Variants in ATXN10 observed in about 807,000 individuals in gnomAD.
ATXN10 encodes the protein ataxin-10.
A neutral mutation model predicts 52.9 loss-of-function variants in ATXN10; 28 were observed. The ratio of observed to expected loss-of-function variants is 0.53; its 90% CI spans 0.39 to 0.73. ATXN10 has a LOEUF of 0.73. Among genes scored for constraint, ATXN10 ranks in the 30% least tolerant of loss-of-function variants. ATXN10 has a pLI of 0.00. For missense variants in ATXN10, 565 were observed against 577.0 expected, an observed-to-expected ratio of 0.98 and a Z score of 0.21; for synonymous variants, 226 against 221.5, an observed-to-expected ratio of 1.02 and a Z score of -0.18.
At chr22:45,697,257 C>T (rs1436788937) in intron 3 of ATXN10, among the ~76,000 whole-genome samples, 1 of 152,008 alleles carries the variant, frequency 6.6e-6, no homozygotes, top group Non-Finnish European at 1.5e-5. Flanking sequence ...GCCTCAGCCT[C>T]TTGAGTAGTT....
chr22:45,687,788 C>T (rs1923205058), intron 1 of ATXN10, among the ~76,000 whole-genome samples: 1 of 152,178 alleles, frequency 6.6e-6, no homozygotes, highest in Non-Finnish European at 1.5e-5. Context: ...CGGCCAGGTG[C>T]AGTGGCTCAC....
chr22:45,689,562 A>G (rs1171926189), intron 1 of ATXN10, 150 bp from the exon 2 acceptor site: 8 of 675,276 alleles, frequency 1.2e-5, no homozygotes, highest in Non-Finnish European at 2.1e-5. Flanking sequence ...ATATGTGTAG[A>G]TCTTTTATTT....
chr22:45,740,029 T>G (rs8141437), intron 8 of ATXN10, among the ~76,000 whole-genome samples: 222 of 152,340 alleles, frequency 1.5e-3, no homozygotes, highest in African/African-American at 4.7e-3. Context: ...AAAAGTTCTT[T>G]CATAAAGAAG....
intron 10 of ATXN10, among the ~76,000 whole-genome samples, chr22:45,813,451 A>ATT (rs1321038533): frequency 1.6e-4 from 7 of 42,512 alleles, no homozygotes; most frequent in Non-Finnish European, 3.0e-4. Context: ...TCCTTTCTTC[A>ATT]TTTCTTTTTT....
At chr22:45,726,526 T>C (rs564704038) in intron 6 of ATXN10, among the ~76,000 whole-genome samples, 2 of 152,356 alleles carry the variant, frequency 1.3e-5, no homozygotes, top group African/African-American at 4.8e-5. Context: ...CCGTTTCTAT[T>C]TGAGCTAATT....
intron 4 of ATXN10, among the ~76,000 whole-genome samples, chr22:45,700,983 A>T (rs1030432137): frequency 6.6e-6 from 1 of 152,184 alleles, no homozygotes; most frequent in Middle Eastern, 3.2e-3. Flanking sequence ...TACTTCTTAA[A>T]AACCAGCTCT....
chr22:45,795,403 C>G lies in ATXN10; in HGVS notation c.1174-11556C>G, dbSNP rs892495375. Among the ~76,000 whole-genome samples the G allele has an allele frequency of 2.3e-4, 35 of 149,202 alleles. No homozygotes were observed. Among genetic ancestry groups the G allele is most frequent in the Admixed American group, 5.3e-4 (8 of 14,966 alleles). ...CTATTCTATTCTATTCTATTCTATT[C>G]TATTCTATTCTATTCTATTCTTTTT... On this transcript the variant is annotated intron_variant, in intron 9 of 11. Transcript: ENST00000252934. The surrounding 1 kb of genome is among the most constrained non-coding windows in gnomAD (Gnocchi z 4.6).
At chr22:45,767,240 A>G (rs1926613451) in intron 9 of ATXN10, among the ~76,000 whole-genome samples, 1 of 152,210 alleles carries the variant, frequency 6.6e-6, no homozygotes. Context: ...GTAATGAAAT[A>G]CAATGCATTG....
chr22:45,693,052 G>T lies in ATXN10; in HGVS notation c.365G>T (p.Arg122Leu). The change falls in exon 3 of 12, where the codon CGA becomes CTA. Residue 122 changes from arginine (R) to leucine (L), a missense_variant. Arg to Leu is a moderately radical substitution (Grantham distance 102, BLOSUM62 -2). Coordinates refer to ENST00000252934, the MANE Select transcript of ATXN10 (RefSeq NM_013236.4). Reference sequence around the variant, plus strand: ...TTGATTCTTCTGTTTCGTGAACTGCGAGTGGAACAGGAATCTCTGTTGACA... The same window carrying T: ...TTGATTCTTCTGTTTCGTGAACTGCTAGTGGAACAGGAATCTCTGTTGACA... Reference protein sequence around the residue: ...VDLILLFRELRVEQESLLTAF... With the variant: ...VDLILLFRELLVEQESLLTAF... The T allele has an allele frequency of 3.7e-6, 6 of 1,613,950 alleles. No homozygotes were observed. Among genetic ancestry groups the T allele is most frequent in the Non-Finnish European group, 4.2e-6 (5 of 1,179,896 alleles).
At chr22:45,738,528 G>A (rs1601615476) in intron 7 of ATXN10, 2 of 546,468 alleles carry the variant, frequency 3.7e-6, no homozygotes, top group Admixed American at 6.4e-5. Flanking sequence ...GATGGCAGAT[G>A]TCTGCTGTTA....
intron 10 of ATXN10, among the ~76,000 whole-genome samples, chr22:45,822,677 C>T (rs1928690641): frequency 6.6e-6 from 1 of 151,788 alleles, no homozygotes; most frequent in African/African-American, 2.4e-5. Flanking sequence ...ATTACAGGTG[C>T]CCGCCACCAC....
rs1235760798 is a variant in ATXN10 at position 45,730,182 on chromosome 22, A to G, written c.894+592A>G. 2.0e-5 allele frequency among the ~76,000 whole-genome samples: 3 copies of G among 152,020 alleles called. 1 individual carries two copies. Among genetic ancestry groups the G allele is most frequent in the South Asian group, 4.2e-4 (2 of 4,796 alleles). ...AACATGGTGAAACCCCATCTCTGTA[A>G]AAAATACAAAAATTAACTGGACATG... On this transcript the variant is annotated intron_variant, in intron 7 of 11. Coordinates refer to ENST00000252934, the MANE Select transcript of ATXN10 (RefSeq NM_013236.4).
intron 10 of ATXN10, among the ~76,000 whole-genome samples, chr22:45,827,936 A>C (rs1928869475): frequency 6.6e-6 from 1 of 152,242 alleles, no homozygotes; most frequent in Non-Finnish European, 1.5e-5. Context: ...TCTGACTACA[A>C]CTGGATAATG....
chr22:45,734,707 A>G (rs1925222883), intron 7 of ATXN10, among the ~76,000 whole-genome samples: 1 of 151,550 alleles, frequency 6.6e-6, no homozygotes, highest in Non-Finnish European at 1.5e-5. Context: ...GGAGTGAGTT[A>G]TGGATCCAAA....
At chr22:45,739,800 T>C (rs1211234644) in intron 8 of ATXN10, among the ~76,000 whole-genome samples, 1 of 152,152 alleles carries the variant, frequency 6.6e-6, no homozygotes, top group African/African-American at 2.4e-5. Flanking sequence ...TCCTGGAAGA[T>C]TGTCTGTTTT....
Position 45,820,788 on chromosome 22 carries a change from G to A in ATXN10, c.1237+13766G>A, listed in dbSNP as rs183944842. 6.7e-3 allele frequency among the ~76,000 whole-genome samples: 1,020 copies of A among 152,284 alleles called. 3 individuals are homozygous for A. Among genetic ancestry groups the A allele is most frequent in the Middle Eastern group, 0.014 (4 of 294 alleles). On this transcript the variant is annotated intron_variant, in intron 10 of 11. Coordinates refer to ENST00000252934, the MANE Select transcript of ATXN10 (RefSeq NM_013236.4). This position sits in a 1 kb window ranked among gnomAD's most constrained non-coding sequence, Gnocchi z 4.9. Reference sequence around the variant, plus strand: ...CAATGGTGGTTGGTTTTTGTGAGCTGCCGGGAAAGTCGTCTTGGGGAATGG... The same window carrying A: ...CAATGGTGGTTGGTTTTTGTGAGCTACCGGGAAAGTCGTCTTGGGGAATGG...
intron 9 of ATXN10, among the ~76,000 whole-genome samples, chr22:45,767,514 T>C (rs1358118690): frequency 6.6e-6 from 1 of 151,960 alleles, no homozygotes. Context: ...TAAAAACTCA[T>C]TTTAAACATG....
intron 10 of ATXN10, among the ~76,000 whole-genome samples, chr22:45,814,860 A>G (rs1028238949): frequency 6.6e-5 from 10 of 152,184 alleles, no homozygotes; most frequent in Non-Finnish European, 1.5e-4. Flanking sequence ...TGAGCTGCAC[A>G]TGTGAGGGAT....
At chr22:45,777,736 C>T (rs1405539516) in intron 9 of ATXN10, among the ~76,000 whole-genome samples, 1 of 152,218 alleles carries the variant, frequency 6.6e-6, no homozygotes, top group African/African-American at 2.4e-5. Context: ...GCACGCACCC[C>T]TCCGCACCTG....
Sources: allele counts gnomAD v4.1 joint callset (sites outside exome capture counted in the v4.1 genomes callset), GRCh38; gene constraint gnomAD v4.1.1; non-coding constraint Gnocchi (gnomAD v3.1); transcripts MANE v1.5; gene names NCBI Gene and HGNC (gene_info 2026-07-23, HGNC 2026-07-21).